Variants in FAM151B observed in about 807,000 individuals in gnomAD.
FAM151B encodes the protein protein FAM151B.
A neutral mutation model predicts 31.2 loss-of-function variants in FAM151B; 24 were observed. That is an observed-to-expected ratio of 0.77 (90% CI 0.56 to 1.08). The LOEUF (loss-of-function observed/expected upper bound fraction) is 1.08, where lower values mean the gene tolerates loss of function less well. Among genes scored for constraint, FAM151B ranks in the 50% least tolerant of loss-of-function variants. The pLI is 0.00. For synonymous variants in FAM151B, 105 were observed against 111.4 expected (o/e 0.94, Z 0.36); for missense variants, 293 against 328.6 (o/e 0.89, Z 0.84).
At chr5:80,538,483 T>TTTCTTTCTTTCC (rs1554059092) in intron 5 of FAM151B, among the ~76,000 whole-genome samples, 20 of 101,022 alleles carry the variant, frequency 2.0e-4, no homozygotes, top group African/African-American at 4.9e-4. Flanking sequence ...TCTTTCTTTC[T>TTTCTTTCTTTCC]TTCCTTCCTT....
intron 2 of FAM151B, among the ~76,000 whole-genome samples, chr5:80,507,295 C>T (rs934261153): frequency 6.6e-6 from 1 of 152,142 alleles, no homozygotes; most frequent in Non-Finnish European, 1.5e-5. Context: ...TTATTTAGTT[C>T]TCAACTAAGC....
In FAM151B at chr5:80,489,411, C is replaced by T. The variant is rs147938026; in HGVS notation, c.25+1263C>T. On this transcript the variant is annotated intron_variant, in intron 1 of 5. Coordinates refer to ENST00000282226, the MANE Select transcript of FAM151B (RefSeq NM_205548.3). ...AGACCAGAGTTTTCCTTTTTTAACC[C>T]TTGTGCTCTTCTCAGTATAAATCCT... Among the ~76,000 whole-genome samples, 955 of 152,204 alleles carry T rather than the reference C, an allele frequency of 6.3e-3. 11 individuals carry two copies. The highest frequency in any genetic ancestry group is 0.021 in the African/African-American group (882 of 41,514).
intron 5 of FAM151B, among the ~76,000 whole-genome samples, chr5:80,538,956 T>C (rs1745737818): frequency 6.6e-6 from 1 of 151,052 alleles, no homozygotes; most frequent in Admixed American, 6.6e-5. Context: ...TTCTTGGTTC[T>C]GTTCTTTTCT....
chr5:80,519,837 G>A lies in FAM151B; in HGVS notation c.462G>A (p.Val154=). 6.2e-7 allele frequency: 1 copy of A among 1,614,138 alleles called. No homozygotes were observed. Among genetic ancestry groups the A allele is most frequent in the Admixed American group, 1.7e-5 (1 of 60,020 alleles). The change falls in exon 4 of 6, where the codon GTG becomes GTA. Residue 154 remains valine (V), a synonymous_variant. Coordinates refer to ENST00000282226, the MANE Select transcript of FAM151B (RefSeq NM_205548.3). The part of the protein sequence containing the change: ...VIDAKPFLDT[V]ISFFPDVTFS... ...ATGCAAAACCATTTTTAGACACCGT[G>A]ATATCCTTCTTTCCAGACGTGACGT... is the stretch of plus-strand genomic sequence containing the variant.
intron 5 of FAM151B, among the ~76,000 whole-genome samples, chr5:80,534,362 A>G (rs1745397812): frequency 6.6e-6 from 1 of 152,192 alleles, no homozygotes; most frequent in South Asian, 2.1e-4. Flanking sequence ...CCTTGGCAAA[A>G]TACTAGCAAA....
chr5:80,510,220 A>G (rs1018923870), intron 2 of FAM151B, among the ~76,000 whole-genome samples: 2 of 152,172 alleles, frequency 1.3e-5, no homozygotes, highest in African/African-American at 2.4e-5. Flanking sequence ...ACGTTCATGT[A>G]GCTGCATTCA....
chr5:80,503,695 A>G (rs1370437409), intron 2 of FAM151B, among the ~76,000 whole-genome samples: 2 of 152,192 alleles, frequency 1.3e-5, no homozygotes, highest in Admixed American at 6.5e-5. Flanking sequence ...TACAATTTGT[A>G]TAATAATAGT....
intron 5 of FAM151B, among the ~76,000 whole-genome samples, chr5:80,537,346 G>C (rs1315227186): frequency 6.6e-6 from 1 of 152,208 alleles, no homozygotes; most frequent in Non-Finnish European, 1.5e-5. Context: ...TCGTAGGAGA[G>C]TACACAGGCC....
chr5:80,508,005 G>C (rs1305606819), intron 2 of FAM151B, among the ~76,000 whole-genome samples: 1 of 152,190 alleles, frequency 6.6e-6, no homozygotes. Flanking sequence ...CCTGACTCCA[G>C]AATCAAAATT....
intron 3 of FAM151B, among the ~76,000 whole-genome samples, chr5:80,516,493 A>T (rs1232346797): frequency 1.3e-5 from 2 of 152,212 alleles, no homozygotes; most frequent in Non-Finnish European, 2.9e-5. Context: ...ATTAATAGGA[A>T]AACAGGGTAT....
At chr5:80,511,435 CAAAAA>C (rs57587683) in intron 2 of FAM151B, among the ~76,000 whole-genome samples, 3 of 54,084 alleles carry the variant, frequency 5.5e-5, no homozygotes, top group Non-Finnish European at 1.0e-4. Flanking sequence ...GACTCTGTCT[CAAAAA>C]AAAAAAAAAA....
At chr5:80,500,404 C>T (rs1194469838) in intron 1 of FAM151B, 28 of 1,239,158 alleles carry the variant, frequency 2.3e-5, no homozygotes, top group East Asian at 1.6e-4. Context: ...AAGGGAATTT[C>T]GCAGAGCTGA....
At chr5:80,504,556 C>G (rs1462464585) in intron 2 of FAM151B, among the ~76,000 whole-genome samples, 2 of 108,426 alleles carry the variant, frequency 1.8e-5, no homozygotes, top group African/African-American at 7.4e-5. Flanking sequence ...GAGTCTTGAT[C>G]TGTCGCCAGG....
chr5:80,498,160 A>G (rs995846170), intron 1 of FAM151B, among the ~76,000 whole-genome samples: 5 of 152,234 alleles, frequency 3.3e-5, no homozygotes, highest in African/African-American at 9.6e-5. Context: ...TAGCCAATCA[A>G]TAATGTGCCT....
At chr5:80,538,529 C>CTTTCTTTTCT (rs1561384060) in intron 5 of FAM151B, among the ~76,000 whole-genome samples, 1 of 94,034 alleles carries the variant, frequency 1.1e-5, no homozygotes, top group South Asian at 3.7e-4. Context: ...TCCTTCCTTC[C>CTTTCTTTTCT]TTCCTTCCTT....
intron 5 of FAM151B, among the ~76,000 whole-genome samples, chr5:80,536,433 C>A (rs2112674654): frequency 6.6e-6 from 1 of 152,136 alleles, no homozygotes; most frequent in South Asian, 2.1e-4. Context: ...ACCTTGGCCT[C>A]CCAAAGTGCT....
At chr5:80,516,846 C>G (rs374281802) in intron 3 of FAM151B, among the ~76,000 whole-genome samples, 16 of 152,316 alleles carry the variant, frequency 1.1e-4, no homozygotes, top group African/African-American at 3.6e-4. Flanking sequence ...TTGTAGTATA[C>G]AGTAGTCCTC....
chr5:80,535,085 T>C (rs1171992978), intron 5 of FAM151B, among the ~76,000 whole-genome samples: 2 of 152,124 alleles, frequency 1.3e-5, no homozygotes, highest in Non-Finnish European at 2.9e-5. Context: ...AAAACACTGG[T>C]GCAAGAAACT....
chr5:80,503,012 T>C, intron 2 of FAM151B, among the ~76,000 whole-genome samples: 1 of 152,170 alleles, frequency 6.6e-6, no homozygotes, highest in Non-Finnish European at 1.5e-5. Context: ...CAGGGTTTCT[T>C]TTTTGGATGA....
Sources: allele counts gnomAD v4.1 joint callset (sites outside exome capture counted in the v4.1 genomes callset), GRCh38; gene constraint gnomAD v4.1.1; transcripts MANE v1.5; gene names NCBI Gene and HGNC (gene_info 2026-07-23, HGNC 2026-07-21).